Variants in FBXO38 observed in about 807,000 individuals in gnomAD.
FBXO38 encodes the protein F-box only protein 38.
A neutral mutation model predicts 131.9 loss-of-function variants in FBXO38; 53 were observed. The ratio of observed to expected loss-of-function variants is 0.40; its 90% CI spans 0.32 to 0.51. The LOEUF is 0.51. Among genes scored for constraint, FBXO38 ranks in the 20% least tolerant of loss-of-function variants. FBXO38 has a pLI of 0.53. For synonymous variants in FBXO38, 452 were observed against 505.6 expected, an observed-to-expected ratio of 0.89 and a Z score of 1.42; for missense variants, 1,076 against 1,475.6, an observed-to-expected ratio of 0.73 and a Z score of 4.44.
intron 5 of FBXO38, among the ~76,000 whole-genome samples, chr5:148,402,899 A>G (rs984434036): frequency 2.0e-5 from 3 of 151,116 alleles, no homozygotes; most frequent in African/African-American, 4.9e-5. Flanking sequence ...ATACACACAC[A>G]TACACAGAGA....
Position 148,402,155 on chromosome 5 carries a change from C to T in FBXO38, c.426+10C>T, listed in dbSNP as rs1752192647. Reference sequence around the variant, plus strand: ...ATGCCCAAACTTAGTGGTGAGTGCACCTGGTTGAACATTTTGGCATCAACT... The same window carrying T: ...ATGCCCAAACTTAGTGGTGAGTGCATCTGGTTGAACATTTTGGCATCAACT... On this transcript the variant is annotated intron_variant, in intron 4 of 21. Transcript: ENST00000340253. 1.3e-6 allele frequency: 2 copies of T among 1,598,738 alleles called. No individual in the cohort carries two copies. The highest frequency in any genetic ancestry group is 1.7e-6 in the Non-Finnish European group (2 of 1,169,198).
At position 148,424,169 on chromosome 5, in the gene FBXO38, G is replaced by T. The variant is rs541801488; in HGVS notation, c.1738+52G>T. On this transcript the variant is annotated intron_variant, in intron 13 of 21. Coordinates refer to ENST00000340253, the MANE Select transcript of FBXO38 (RefSeq NM_205836.3). ...ATCATTCTGAAACTACGGCCTAACT[G>T]TAATGAAGTACATGAGACAGCGAGA... 1.9e-5 allele frequency: 30 copies of T among 1,561,670 alleles called. No homozygotes were observed. In the East Asian group the frequency reaches 5.4e-4, roughly 28 times the overall value.
intron 14 of FBXO38, 93 bp downstream of exon 14, chr5:148,425,794 T>C: frequency 2.8e-6 from 3 of 1,080,716 alleles, no homozygotes; most frequent in Non-Finnish European, 4.0e-6. Context: ...GCAGTTAACA[T>C]ATATTACGGA....
chr5:148,422,534 AT>A (rs1331115616), intron 12 of FBXO38, among the ~76,000 whole-genome samples: 1 of 152,092 alleles, frequency 6.6e-6, no homozygotes, highest in African/African-American at 2.4e-5. Flanking sequence ...TATTTTTAAA[AT>A]TTTTTCTCCC....
At chr5:148,394,692 C>T (rs1216200866) in intron 1 of FBXO38, 22 bp from the exon 2 acceptor site, 2 of 1,347,498 alleles carry the variant, frequency 1.5e-6, no homozygotes, top group Non-Finnish European at 1.9e-6. Context: ...TTTTAGTCTA[C>T]TTCGTTCTGT....
intron 12 of FBXO38, among the ~76,000 whole-genome samples, chr5:148,421,812 T>G (rs1753451843): frequency 6.6e-6 from 1 of 152,176 alleles, no homozygotes; most frequent in Non-Finnish European, 1.5e-5. Flanking sequence ...ATCAAGACAT[T>G]ATGCTTTTTG....
At chr5:148,413,916 C>T (rs1281388863) in intron 9 of FBXO38, 3 of 386,592 alleles carry the variant, frequency 7.8e-6, no homozygotes, top group East Asian at 7.8e-5. Context: ...TTCCTACTAG[C>T]TGTCCCTTGA....
chr5:148,440,296 G>A (rs1327450730), intron 19 of FBXO38, 128 bp from the exon 20 acceptor site: 2 of 640,874 alleles, frequency 3.1e-6, no homozygotes, highest in Non-Finnish European at 5.6e-6. Context: ...CTTCCGTTAG[G>A]TATTTGATGT....
intron 1 of FBXO38, among the ~76,000 whole-genome samples, chr5:148,393,051 A>G (rs1758282190): frequency 1.3e-5 from 2 of 152,128 alleles, no homozygotes; most frequent in South Asian, 4.1e-4. Flanking sequence ...CCAAAATGTG[A>G]TAGACAACAT....
At chr5:148,409,498 C>T (rs1440262052) in intron 8 of FBXO38, among the ~76,000 whole-genome samples, 1 of 152,160 alleles carries the variant, frequency 6.6e-6, no homozygotes, top group African/African-American at 2.4e-5. Context: ...GGCTGAGAGT[C>T]CAATAGAAGT....
chr5:148,440,089 C>T (rs1754587543), intron 19 of FBXO38, among the ~76,000 whole-genome samples: 1 of 152,148 alleles, frequency 6.6e-6, no homozygotes, highest in Non-Finnish European at 1.5e-5. Flanking sequence ...TGAAGAAGAT[C>T]TTAAGACTAT....
At chr5:148,419,507 A>G (rs1344217904) in intron 12 of FBXO38, among the ~76,000 whole-genome samples, 2 of 152,210 alleles carry the variant, frequency 1.3e-5, no homozygotes, top group Non-Finnish European at 2.9e-5. Flanking sequence ...GATGGTTCAA[A>G]TCTTCAAGTG....
At chr5:148,440,578 CT>C in intron 20 of FBXO38, 51 bp downstream of exon 20, 1 of 1,100,550 alleles carries the variant, frequency 9.1e-7, no homozygotes, top group South Asian at 1.4e-5. Flanking sequence ...CAGTACTTAC[CT>C]CTGTAATCCC....
chr5:148,398,306 GA>G (rs1464905717), intron 2 of FBXO38, among the ~76,000 whole-genome samples: 1 of 151,936 alleles, frequency 6.6e-6, no homozygotes, highest in Non-Finnish European at 1.5e-5. Flanking sequence ...ATATATAACA[GA>G]ACAAAAGTCA....
At chr5:148,410,426 G>A (rs1330717837) in intron 8 of FBXO38, 1 of 571,754 alleles carries the variant, frequency 1.7e-6, no homozygotes, top group Non-Finnish European at 3.0e-6. Flanking sequence ...CAGTCAAGAT[G>A]TGACTTGCTC....
At chr5:148,411,792 T>C (rs9325096) in intron 9 of FBXO38, among the ~76,000 whole-genome samples, 63,861 of 152,060 alleles carry the variant, frequency 0.42, 15,853 homozygotes, top group African/African-American at 0.69. Context: ...AAAATGCTAA[T>C]GAGTACAATG....
chr5:148,439,898 C>A, intron 19 of FBXO38, 106 bp downstream of exon 19: 1 of 1,156,858 alleles, frequency 8.6e-7, no homozygotes, highest in Non-Finnish European at 1.2e-6. Flanking sequence ...TCCATCTAAG[C>A]TTTTCAAACA....
At chr5:148,435,497 C>T (rs185164360) in intron 17 of FBXO38, among the ~76,000 whole-genome samples, 72 of 152,300 alleles carry the variant, frequency 4.7e-4, no homozygotes, top group Non-Finnish European at 7.2e-4. Context: ...TGTGGCCGGG[C>T]GCAGTGCTTT....
At chr5:148,410,485 T>G in intron 8 of FBXO38, 150 bp from the exon 9 acceptor site, 2 of 921,928 alleles carry the variant, frequency 2.2e-6, no homozygotes, top group South Asian at 3.2e-5. Context: ...CATGTGGAAC[T>G]GTGAGTCCAT....
Sources: gnomAD v4.1 joint callset for allele counts (sites outside exome capture counted in the v4.1 genomes callset) on GRCh38, gnomAD v4.1.1 for gene constraint, MANE v1.5 for transcripts, NCBI Gene and HGNC (gene_info 2026-07-23, HGNC 2026-07-21) for gene names.